Variants in LARGE1 observed in about 807,000 individuals in gnomAD.
LARGE1 encodes LARGE xylosyl- and glucuronyltransferase 1.
In LARGE1, 43 loss-of-function variants were observed where a neutral mutation model predicts 87.6. The observed-to-expected ratio is 0.49, with a 90% CI of 0.38 to 0.63. The LOEUF (loss-of-function observed/expected upper bound fraction) is 0.63. Among genes scored for constraint, LARGE1 ranks in the 30% least tolerant of loss-of-function variants. LARGE1 has a pLI of 0.00. For missense variants in LARGE1, 802 were observed against 1,000.2 expected (o/e 0.80, Z 2.67); for synonymous variants, 434 against 394.6 (o/e 1.10, Z -1.18).
intron 1 of LARGE1, among the ~76,000 whole-genome samples, chr22:33,908,357 G>A (rs1334707506): frequency 6.6e-6 from 1 of 152,128 alleles, no homozygotes; most frequent in East Asian, 1.9e-4. Context: ...TCAGTACCAG[G>A]AAAAGCTTAA....
chr22:33,181,371 AT>A (rs1923151589), intron 11 of LARGE1, among the ~76,000 whole-genome samples: 1 of 152,134 alleles, frequency 6.6e-6, no homozygotes. Context: ...TCTCAGATCA[AT>A]TGATGAGCAT....
chr22:33,153,023 C>G, the LARGE1 span, among the ~76,000 whole-genome samples: 1 of 152,048 alleles, frequency 6.6e-6, no homozygotes, highest in South Asian at 2.1e-4. Flanking sequence ...GATTATAATT[C>G]TCTGTTCAAA....
Position 33,277,252 on chromosome 22 carries a change from G to A in LARGE1, c.1881C>T (p.Tyr627=). The A allele has an allele frequency of 1.2e-6, 2 of 1,614,136 alleles. No homozygotes were observed. The highest frequency in any genetic ancestry group is 1.7e-6 in the Non-Finnish European group (2 of 1,179,984). The change falls in exon 14 of 15, where the codon TAC becomes TAT. Residue 627 remains tyrosine (Y), a synonymous_variant. Coordinates refer to ENST00000397394, the MANE Select transcript of LARGE1 (RefSeq NM_133642.5). ...GTGCGTGGCCTTTCGTCCAGACGTG[G>A]TACCTGAGACACACGGAGAAAAGCC... ...LDMGTLFTFR[Y]HVWTKGHAPT... is the part of the protein sequence containing the mutation.
chr22:33,247,358 A>C (rs1424695504), intron 11 of LARGE1, among the ~76,000 whole-genome samples: 1 of 152,232 alleles, frequency 6.6e-6, no homozygotes, highest in Non-Finnish European at 1.5e-5. Flanking sequence ...TTCAGGACAC[A>C]ATATTAGAAT....
In LARGE1 at chr22:33,273,160, G is replaced by C; in HGVS notation, c.*1267C>G. The C allele has an allele frequency of 2.7e-6, 1 of 364,582 alleles. No individual in the cohort carries two copies. The highest frequency in any genetic ancestry group is 2.1e-5 in the African/African-American group (1 of 47,978). The allele number at this position is 364,582 out of a possible 1,614,324, so 22.6% of individuals were successfully genotyped here. A position where few individuals can be genotyped will look rare whatever the true frequency, so the allele number is the denominator to read the frequency against. ...AACTCAATACAAACAGCCCAGCAGAGGGTAGGGCATTAACTCTTGTTCTCA... is the reference window on the plus strand; with the variant it reads ...AACTCAATACAAACAGCCCAGCAGACGGTAGGGCATTAACTCTTGTTCTCA... On this transcript the variant is annotated 3_prime_UTR_variant, in exon 15 of 15. Coordinates refer to ENST00000397394, the MANE Select transcript of LARGE1 (RefSeq NM_133642.5).
At chr22:33,724,945 G>A (rs2083223938) in intron 2 of LARGE1, 1 of 152,442 alleles carries the variant, frequency 6.6e-6, no homozygotes, top group South Asian at 2.1e-4. Context: ...GAGGAGGAGG[G>A]TTCTGATTCT....
At chr22:33,618,990 A>G (rs2079660074) in intron 4 of LARGE1, among the ~76,000 whole-genome samples, 1 of 152,178 alleles carries the variant, frequency 6.6e-6, no homozygotes, top group Non-Finnish European at 1.5e-5. Context: ...TTCTGAGCCC[A>G]TAAGAAGCCT....
chr22:33,662,984 C>T (rs1384839091), intron 2 of LARGE1, among the ~76,000 whole-genome samples: 1 of 151,962 alleles, frequency 6.6e-6, no homozygotes, highest in African/African-American at 2.4e-5. Flanking sequence ...GTTTGACTTA[C>T]ATTAAAGTTA....
chr22:33,792,943 C>T (rs1026982243), intron 1 of LARGE1, among the ~76,000 whole-genome samples: 3 of 152,312 alleles, frequency 2.0e-5, no homozygotes, highest in Admixed American at 6.5e-5. Flanking sequence ...ACATTGAGCA[C>T]CTCTTCTAGA....
At chr22:33,111,864 G>A in the LARGE1 span, among the ~76,000 whole-genome samples, 1 of 152,208 alleles carries the variant, frequency 6.6e-6, no homozygotes, top group East Asian at 1.9e-4. Flanking sequence ...CAAGAGAGAT[G>A]CCTTTATTTT....
intron 6 of LARGE1, among the ~76,000 whole-genome samples, chr22:33,437,881 A>G (rs761609295): frequency 2.0e-5 from 3 of 151,964 alleles, no homozygotes; most frequent in Non-Finnish European, 4.4e-5. Context: ...AAGATGGGGG[A>G]ATAATAAGTA....
At chr22:33,327,301 A>G (rs1937327322) in intron 10 of LARGE1, among the ~76,000 whole-genome samples, 1 of 152,166 alleles carries the variant, frequency 6.6e-6, no homozygotes, top group Non-Finnish European at 1.5e-5. Flanking sequence ...TGTCACCTTC[A>G]TAGCGTGAGA....
intron 6 of LARGE1, among the ~76,000 whole-genome samples, chr22:33,435,854 A>G (rs2067250697): frequency 6.6e-6 from 1 of 152,224 alleles, no homozygotes; most frequent in South Asian, 2.1e-4. Flanking sequence ...TTAATTAGCA[A>G]CATGATAGTT....
intron 11 of LARGE1, among the ~76,000 whole-genome samples, chr22:33,206,191 C>T (rs1012665223): frequency 5.3e-5 from 8 of 152,102 alleles, no homozygotes; most frequent in Admixed American, 3.3e-4. Context: ...CTCCTGACCT[C>T]GTGATCCACC....
intron 2 of LARGE1, among the ~76,000 whole-genome samples, chr22:33,730,727 G>C (rs2083436554): frequency 6.6e-6 from 1 of 151,658 alleles, no homozygotes; most frequent in Admixed American, 6.6e-5. Context: ...TTTTACTCTT[G>C]TTGCCCAGGA....
the LARGE1 span, among the ~76,000 whole-genome samples, chr22:33,119,333 A>AT: frequency 4.8e-4 from 73 of 151,756 alleles, 1 homozygote; most frequent in African/African-American, 8.5e-4. Flanking sequence ...GCTTTTATAT[A>AT]TTTTTTTTTA....
chr22:33,780,786 T>G (rs2085394117), intron 1 of LARGE1, among the ~76,000 whole-genome samples: 1 of 152,176 alleles, frequency 6.6e-6, no homozygotes, highest in African/African-American at 2.4e-5. Flanking sequence ...GCTAAGAACT[T>G]TTAGCTAATG....
At chr22:33,502,526 T>C (rs989988636) in intron 6 of LARGE1, among the ~76,000 whole-genome samples, 1 of 152,000 alleles carries the variant, frequency 6.6e-6, no homozygotes, top group African/African-American at 2.4e-5. Context: ...CCAAATATAA[T>C]GTTGTATAGG....
At chr22:33,890,005 A>G (rs772594134) in intron 1 of LARGE1, among the ~76,000 whole-genome samples, 1 of 152,148 alleles carries the variant, frequency 6.6e-6, no homozygotes, top group Admixed American at 6.5e-5. Context: ...TCTGCCCCCC[A>G]TAAGTGGGGA....
Sources: allele counts gnomAD v4.1 joint callset (sites outside exome capture counted in the v4.1 genomes callset), GRCh38; gene constraint gnomAD v4.1.1; transcripts MANE v1.5; gene names NCBI Gene and HGNC (gene_info 2026-07-23, HGNC 2026-07-21).